PRPF8: variants seen among roughly 807,000 people sequenced by gnomAD.
PRPF8 encodes the protein pre-mRNA-processing-splicing factor 8.
PRPF8 carries 64 observed loss-of-function variants against 285.9 expected under a neutral mutation model. That is an observed-to-expected ratio of 0.22 (90% CI 0.18 to 0.28). The LOEUF is 0.28. PRPF8 is among the 10% of genes least tolerant of loss of function. The pLI, the probability that PRPF8 is intolerant of heterozygous loss-of-function variation, is 1.00. For synonymous variants in PRPF8, 1,325 were observed against 1,118.2 expected (o/e 1.18, Z -3.69); for missense variants, 1,426 against 3,026.7 (o/e 0.47, Z 12.41).
Position 1,661,837 on chromosome 17 carries a change from C to T in PRPF8, c.4023-47G>A. 6.2e-7 allele frequency: 1 copy of T among 1,614,114 alleles called. No individual in the cohort carries two copies. ...ATTACAGAAAAAATAAAGCCTAAAA[C>T]TAAAGAAATACCCACTTCCCTTAGG... On this transcript the variant is annotated intron_variant, in intron 25 of 42. Coordinates refer to ENST00000304992, the MANE Select transcript of PRPF8 (RefSeq NM_006445.4). The surrounding 1 kb of genome is among the most constrained non-coding windows in gnomAD (Gnocchi z 7.3).
Position 1,681,058 on chromosome 17 carries a change from G to T in PRPF8, c.867-4C>A, listed in dbSNP as rs780273181. ...GAATTCATTCCAGTCTTCATCCCTA[G>T]GGTACAACATCAAGAATAAGCAGAC... On this transcript the variant is annotated splice_region_variant and splice_polypyrimidine_tract_variant and intron_variant, in intron 6 of 42. Coordinates refer to ENST00000304992, the MANE Select transcript of PRPF8 (RefSeq NM_006445.4). 1.9e-6 allele frequency: 3 copies of T among 1,613,216 alleles called. No individual in the cohort carries two copies. Among genetic ancestry groups the T allele is most frequent in the Admixed American group, 3.3e-5 (2 of 59,988 alleles).
Position 1,661,184 on chromosome 17 carries a change from G to T in PRPF8, c.4339-22C>A, listed in dbSNP as rs1215904939. ...AAACCTAGATGGCAAGGCAGGCACG[G>T]TCAAGCTTCTGGGTGCCTATTGCCC... On this transcript the variant is annotated intron_variant, in intron 27 of 42. Coordinates refer to ENST00000304992, the MANE Select transcript of PRPF8 (RefSeq NM_006445.4). This position sits in a 1 kb window ranked among gnomAD's most constrained non-coding sequence, Gnocchi z 7.3. The T allele has an allele frequency of 6.2e-7, 1 of 1,614,024 alleles. No homozygotes were observed. The highest frequency in any genetic ancestry group is 1.3e-5 in the African/African-American group (1 of 74,928).
chr17:1,674,527 G>A lies in PRPF8; in HGVS notation c.3214C>T (p.Leu1072Phe). 1 of 1,614,190 alleles carries A rather than the reference G, an allele frequency of 6.2e-7. No individual in the cohort carries two copies. The highest frequency in any genetic ancestry group is 8.5e-7 in the Non-Finnish European group (1 of 1,180,032). The change falls in exon 21 of 43, where the codon CTC becomes TTC. Residue 1072 changes from leucine (L) to phenylalanine (F), a missense_variant. Transcript: ENST00000304992. ...TCAGTGGCTATGTCCTGGAAACTGAGAAAGTCATTTGGCATCTGAGGGGGC... is the reference window on the plus strand; with the variant it reads ...TCAGTGGCTATGTCCTGGAAACTGAAAAAGTCATTTGGCATCTGAGGGGGC... The part of the protein sequence containing the change: ...AGPPQMPNDF[L>F]SFQDIATEAA...
chr17:1,681,110 C>T, intron 6 of PRPF8, 56 bp from the exon 7 acceptor site: 1 of 1,539,600 alleles, frequency 6.5e-7, no homozygotes, highest in South Asian at 1.1e-5. Context: ...CAGGGTCTCA[C>T]TCTTATCACC....
rs773745042 is a variant in PRPF8, at chr17:1,660,767, T to C, written c.4569A>G (p.Arg1523=). Reference sequence around the variant, plus strand: ...GATTGGGAATCTGGTTCAGTCCTGATCGCTGAGCATTAGTTAGCTTCTTCC... The same window carrying C: ...GATTGGGAATCTGGTTCAGTCCTGACCGCTGAGCATTAGTTAGCTTCTTCC... ...MKWKKLTNAQ[R]SGLNQIPNRR... is the part of the protein sequence containing the mutation. Residue 1523 remains arginine (R), a synonymous_variant, in exon 29 of 43, where the codon CGA becomes CGG. Transcript: ENST00000304992. 1.9e-6 allele frequency: 3 copies of C among 1,613,958 alleles called. No homozygotes were observed. In the East Asian group the frequency reaches 6.7e-5, roughly 36 times the overall value.
chr17:1,673,730 C>G lies in PRPF8; in HGVS notation c.3446+16G>C. On this transcript the variant is annotated intron_variant, in intron 22 of 42. Coordinates refer to ENST00000304992, the MANE Select transcript of PRPF8 (RefSeq NM_006445.4). The surrounding 1 kb of genome is among the most constrained non-coding windows in gnomAD (Gnocchi z 5.5). ...CTTATGTCCTTCCAGCTCACACAGC[C>G]CCAACCTAGACTCACAAGTTAACAT... The G allele has an allele frequency of 6.8e-6, 11 of 1,613,862 alleles. No individual in the cohort carries two copies. The highest frequency in any genetic ancestry group is 9.3e-6 in the Non-Finnish European group (11 of 1,180,040).
Position 1,673,346 on chromosome 17 carries a change from C to A in PRPF8, c.3657+11G>T. The A allele has an allele frequency of 1.2e-6, 2 of 1,613,914 alleles. No individual in the cohort carries two copies. The highest frequency in any genetic ancestry group is 4.5e-5 in the East Asian group (2 of 44,886). On this transcript the variant is annotated intron_variant, in intron 23 of 42. Transcript: ENST00000304992. The surrounding 1 kb of genome is among the most constrained non-coding windows in gnomAD (Gnocchi z 5.5). The stretch of plus-strand genomic sequence containing the variant: ...GCGTTCATGTCACTCCCAGCCCCGC[C>A]CAGGCTGTACCTCATTCTGCAGGTT...
At position 1,683,616 on chromosome 17, in the gene PRPF8, G is replaced by C; in HGVS notation, c.186C>G (p.Pro62=). 2 of 1,614,108 alleles carry C rather than the reference G, an allele frequency of 1.2e-6. No individual in the cohort carries two copies. Among genetic ancestry groups the C allele is most frequent in the African/African-American group, 1.3e-5 (1 of 75,002 alleles). ...GAATGATCTTCCTGACATGTTCTGG[G>C]GGCATGTCTTCCTTCTGGGCATCCA... The part of the protein sequence containing the change: ...GFVDAQKEDM[P]PEHVRKIIRD... The change falls in exon 3 of 43, where the codon CCC becomes CCG. Residue 62 remains proline, a synonymous_variant. Transcript: ENST00000304992.
intron 14 of PRPF8, 109 bp downstream of exon 14, chr17:1,677,456 G>T: frequency 6.6e-7 from 1 of 1,523,570 alleles, no homozygotes; most frequent in Non-Finnish European, 9.1e-7. Context: ...GGACCTAAAG[G>T]CAATCCAGTA....
rs943336277 is a variant in PRPF8, at chr17:1,676,792, G to A, written c.2182-81C>T. On this transcript the variant is annotated intron_variant, in intron 15 of 42. Transcript: ENST00000304992. The surrounding 1 kb of genome is among the most constrained non-coding windows in gnomAD (Gnocchi z 6.3). ...ATCTGTAGTCCCGGCTACTCAGGAG[G>A]CTAAGGAGGATCGCTTGAGCTCAGG... 3.2e-6 allele frequency: 5 copies of A among 1,539,098 alleles called. No individual in the cohort carries two copies. The highest frequency in any genetic ancestry group is 2.7e-5 in the African/African-American group (2 of 73,504).
chr17:1,669,448 CTTAA>C (rs1567684601), intron 24 of PRPF8, among the ~76,000 whole-genome samples: 1 of 152,092 alleles, frequency 6.6e-6, no homozygotes, highest in East Asian at 1.9e-4. Flanking sequence ...TACTGGGCTC[CTTAA>C]TTAAAACACG....
chr17:1,658,319 G>A lies in PRPF8; in HGVS notation c.5439C>T (p.Arg1813=). The change falls in exon 34 of 43, where the codon CGC becomes CGT. Residue 1813 remains arginine, a synonymous_variant. Transcript: ENST00000304992. This position sits in a 1 kb window ranked among gnomAD's most constrained non-coding sequence, Gnocchi z 4.1. ...INGAIFIFNP[R]TGQLFLKIIH... ...TTATCTTGAGGAACAGCTGCCCTGTGCGTGGGTTGAAGATGAAGATGGCTC... is the reference window on the plus strand; with the variant it reads ...TTATCTTGAGGAACAGCTGCCCTGTACGTGGGTTGAAGATGAAGATGGCTC... The A allele has an allele frequency of 6.2e-7, 1 of 1,614,214 alleles. No individual in the cohort carries two copies. The highest frequency in any genetic ancestry group is 1.7e-5 in the Admixed American group (1 of 60,016).
chr17:1,671,446 C>T (rs554927364), intron 24 of PRPF8, among the ~76,000 whole-genome samples: 132 of 152,242 alleles, frequency 8.7e-4, no homozygotes, highest in Non-Finnish European at 1.4e-3. Flanking sequence ...AGGCTGGGCA[C>T]GGTGACTCAC....
At position 1,658,779 on chromosome 17, in the gene PRPF8, G is replaced by C. The variant is rs1481527522; in HGVS notation, c.5139-16C>G. 1.2e-6 allele frequency: 2 copies of C among 1,610,742 alleles called. No individual in the cohort carries two copies. Among genetic ancestry groups the C allele is most frequent in the Non-Finnish European group, 1.7e-6 (2 of 1,177,072 alleles). On this transcript the variant is annotated splice_polypyrimidine_tract_variant and intron_variant, in intron 32 of 42. Coordinates refer to ENST00000304992, the MANE Select transcript of PRPF8 (RefSeq NM_006445.4). The surrounding 1 kb of genome is among the most constrained non-coding windows in gnomAD (Gnocchi z 4.1). ...TCCATAGGCACTGTGAGGATAAAAG[G>C]GTCAAGAAAAGTTAAGACGAGAATG...
chr17:1,664,624 G>C (rs886671053), intron 24 of PRPF8, among the ~76,000 whole-genome samples: 3 of 151,414 alleles, frequency 2.0e-5, no homozygotes, highest in African/African-American at 7.3e-5. Flanking sequence ...CTAGGCAAGA[G>C]TGAGATCCCA....
intron 24 of PRPF8, among the ~76,000 whole-genome samples, chr17:1,669,492 CACTG>C (rs995988733): frequency 6.6e-6 from 1 of 152,202 alleles, no homozygotes; most frequent in African/African-American, 2.4e-5. Context: ...AAAACACCTG[CACTG>C]ACTTACAGCT....
At position 1,682,121 on chromosome 17, in the gene PRPF8, T is replaced by A; in HGVS notation, c.434+8A>T. ...CACCACCACCCACCATATTTCAGCCTTTCTCACCCCCACTGGGAGATGTAG... is the reference window on the plus strand; with the variant it reads ...CACCACCACCCACCATATTTCAGCCATTCTCACCCCCACTGGGAGATGTAG... On this transcript the variant is annotated splice_region_variant and intron_variant, in intron 4 of 42. Transcript: ENST00000304992. The A allele has an allele frequency of 1.2e-6, 2 of 1,613,646 alleles. No homozygotes were observed. Among genetic ancestry groups the A allele is most frequent in the Non-Finnish European group, 1.7e-6 (2 of 1,179,874 alleles).
intron 37 of PRPF8, chr17:1,654,913 G>A (rs1374215253): frequency 4.8e-6 from 1 of 206,334 alleles, no homozygotes; most frequent in African/African-American, 2.4e-5. Flanking sequence ...TTACTAGCAT[G>A]AGCACTCAAG....
Position 1,677,176 on chromosome 17 carries a change from G to GA in PRPF8, c.1985-5dup, listed in dbSNP as rs1176602293. 32 of 1,612,948 alleles carry GA rather than the reference G, an allele frequency of 2.0e-5. No homozygotes were observed. The highest frequency in any genetic ancestry group is 2.5e-5 in the Non-Finnish European group (30 of 1,179,920). On this transcript the variant is annotated splice_region_variant and splice_polypyrimidine_tract_variant and intron_variant, in intron 14 of 42. Transcript: ENST00000304992. ...GCCACCCCCTTTGAGTGTCGACCTG[G>GA]AAGTAGAGTGTCCCAAGGGGATTAC...
Sources: gnomAD v4.1 joint callset for allele counts (sites outside exome capture counted in the v4.1 genomes callset) on GRCh38, gnomAD v4.1.1 for gene constraint, Gnocchi (gnomAD v3.1) non-coding constraint, MANE v1.5 for transcripts, NCBI Gene and HGNC (gene_info 2026-07-23, HGNC 2026-07-21) for gene names.